Variants in FARP1 observed in about 807,000 individuals in gnomAD.
FARP1 encodes FERM, ARHGEF and pleckstrin domain-containing protein 1.
FARP1 carries 52 observed loss-of-function variants against 128.8 expected under a neutral mutation model. The observed-to-expected ratio is 0.40, with a 90% CI of 0.32 to 0.51. The LOEUF is 0.51. Among genes scored for constraint, FARP1 ranks in the 20% least tolerant of loss-of-function variants. FARP1 has a pLI of 0.45. For synonymous variants in FARP1, 580 were observed against 551.8 expected (o/e 1.05, Z -0.72); for missense variants, 1,333 against 1,367.9 (o/e 0.97, Z 0.40).
At chr13:98,337,196 G>A (rs1411185868) in intron 2 of FARP1, among the ~76,000 whole-genome samples, 2 of 152,004 alleles carry the variant, frequency 1.3e-5, no homozygotes, top group East Asian at 1.9e-4. Flanking sequence ...GCAAGACCTC[G>A]TCTCTACTAA....
At chr13:98,277,138 ACACACACACACC>A (rs1378638620) in intron 2 of FARP1, among the ~76,000 whole-genome samples, 45 of 149,678 alleles carry the variant, frequency 3.0e-4, no homozygotes, top group Non-Finnish European at 4.2e-4. Flanking sequence ...ACACACACAC[ACACACACACACC>A]CCATATGTAT....
chr13:98,446,901 T>G lies in FARP1; in HGVS notation c.3056+84T>G, dbSNP rs58789580. Reference sequence around the variant, plus strand: ...TCAGGATTTCTCCCAAGTCAGCGAGTGAGATGGCCCCACCCTTCCCTGCCA... The same window carrying G: ...TCAGGATTTCTCCCAAGTCAGCGAGGGAGATGGCCCCACCCTTCCCTGCCA... On this transcript the variant is annotated intron_variant, in intron 26 of 26. Coordinates refer to ENST00000319562, the MANE Select transcript of FARP1 (RefSeq NM_005766.4). 1,683 of 1,445,082 alleles carry G rather than the reference T, an allele frequency of 1.2e-3. 26 individuals are homozygous for G. In the African/African-American group the frequency reaches 0.021, roughly 18 times the overall value. 89.5% of individuals were successfully genotyped at this position (1,445,082 alleles called of 1,614,324 possible). A position where few individuals can be genotyped will look rare whatever the true frequency, so the allele number is the denominator to read the frequency against.
intron 2 of FARP1, among the ~76,000 whole-genome samples, chr13:98,237,873 G>T (rs1422362987): frequency 6.6e-6 from 1 of 152,240 alleles, no homozygotes; most frequent in African/African-American, 2.4e-5. Context: ...GGTCGCTATG[G>T]CTACATCAGC....
chr13:98,314,274 CTTTTTT>C (rs140938723), intron 2 of FARP1, among the ~76,000 whole-genome samples: 1 of 59,988 alleles, frequency 1.7e-5, no homozygotes, highest in African/African-American at 6.8e-5. Flanking sequence ...TATTTTATGT[CTTTTTT>C]TTTTTTTTTT....
chr13:98,179,832 G>C (rs1001504517), intron 1 of FARP1, among the ~76,000 whole-genome samples: 7 of 152,048 alleles, frequency 4.6e-5, no homozygotes, highest in Non-Finnish European at 7.4e-5. Flanking sequence ...ACTCCAGCCT[G>C]GGTGACTGAG....
chr13:98,199,094 C>T (rs918262650), intron 1 of FARP1, among the ~76,000 whole-genome samples: 37 of 150,792 alleles, frequency 2.5e-4, no homozygotes, highest in African/African-American at 8.8e-4. Context: ...TTTCGCACTT[C>T]TATTAGTCGG....
rs144824297 is a variant in FARP1 at position 98,181,865 on chromosome 13, A to G, written c.-23-31355A>G. ...GTCATGGGGTCTTATCACACATGGT[A>G]TTTAATACTTAAAGATGTAAAATAA... On this transcript the variant is annotated intron_variant, in intron 1 of 26. Transcript: ENST00000319562. 8.5e-4 allele frequency among the ~76,000 whole-genome samples: 130 copies of G among 152,240 alleles called. 1 individual carries two copies. The South Asian group carries it at 0.011, about 13-fold the overall frequency.
chr13:98,447,913 T>C, intron 26 of FARP1: 1 of 374,506 alleles, frequency 2.7e-6, no homozygotes, highest in Non-Finnish European at 4.9e-6. Context: ...GTCCCGCCAT[T>C]CTCTGCCATG....
intron 2 of FARP1, among the ~76,000 whole-genome samples, chr13:98,310,077 C>CAT (rs1886390560): frequency 1.8e-5 from 1 of 54,420 alleles, no homozygotes; most frequent in South Asian, 7.9e-4. Flanking sequence ...TAATAGATTA[C>CAT]ATGTTTTTTT....
chr13:98,453,230 A>G lies in FARP1; in HGVS notation c.*4913A>G. 6.2e-7 allele frequency: 1 copy of G among 1,611,302 alleles called. No homozygotes were observed. Among genetic ancestry groups the G allele is most frequent in the East Asian group, 2.2e-5 (1 of 44,770 alleles). ...AGTATCTAGGGAAAAAGAGAGAGAGAGAAGTCAACACATGTCATTTCTCAT... is the reference window on the plus strand; with the variant it reads ...AGTATCTAGGGAAAAAGAGAGAGAGGGAAGTCAACACATGTCATTTCTCAT... On this transcript the variant is annotated 3_prime_UTR_variant, in exon 27 of 27. Transcript: ENST00000319562.
In FARP1 at chr13:98,431,072, C is replaced by G; in HGVS notation, c.1935C>G (p.Ser645Arg). The G allele has an allele frequency of 6.2e-7, 1 of 1,613,958 alleles. No individual in the cohort carries two copies. Among genetic ancestry groups the G allele is most frequent in the Non-Finnish European group, 8.5e-7 (1 of 1,179,900 alleles). The change falls in exon 18 of 27, where the codon AGC becomes AGG. Residue 645 changes from serine to arginine, a missense_variant. By Grantham distance (110) the Ser-to-Arg change is moderately radical. Transcript: ENST00000319562. ...KHLAAHLWKH[S>R]EALEALENGI... ...TGGCGGCTCACCTGTGGAAGCACAG[C>G]GAGGCCTTGGAGGCCCTGGAGAATG...
intron 2 of FARP1, among the ~76,000 whole-genome samples, chr13:98,263,019 G>GT (rs201249647): frequency 7.1e-5 from 10 of 140,168 alleles, no homozygotes; most frequent in South Asian, 2.2e-4. Flanking sequence ...TATTATTATT[G>GT]TTTTTTGGGA....
At chr13:98,266,504 C>G (rs1884122373) in intron 2 of FARP1, among the ~76,000 whole-genome samples, 1 of 152,168 alleles carries the variant, frequency 6.6e-6, no homozygotes, top group African/African-American at 2.4e-5. Flanking sequence ...CCTGATCACC[C>G]TGGTGTGAAC....
At chr13:98,181,465 A>C (rs1878506019) in intron 1 of FARP1, among the ~76,000 whole-genome samples, 1 of 152,090 alleles carries the variant, frequency 6.6e-6, no homozygotes. Context: ...GTAGTAATGA[A>C]AAGATTGTTC....
At chr13:98,357,950 G>A (rs36039801) in intron 3 of FARP1, among the ~76,000 whole-genome samples, 374 of 152,210 alleles carry the variant, frequency 2.5e-3, no homozygotes, top group Admixed American at 4.5e-3. Context: ...CTACTAAAGC[G>A]TGACTCTTCA....
chr13:98,154,298 A>G (rs547565109), intron 1 of FARP1, among the ~76,000 whole-genome samples: 2 of 152,368 alleles, frequency 1.3e-5, no homozygotes, highest in East Asian at 3.9e-4. Flanking sequence ...GCTAGAAGTG[A>G]AATCCTTGTC....
At chr13:98,159,125 C>T (rs1284713454) in intron 1 of FARP1, among the ~76,000 whole-genome samples, 1 of 152,226 alleles carries the variant, frequency 6.6e-6, no homozygotes, top group African/African-American at 2.4e-5. Flanking sequence ...GTAGGAGACG[C>T]CTTCTGGCCC....
Position 98,384,929 on chromosome 13 carries a change from C to A in FARP1, c.611+85C>A, listed in dbSNP as rs1333641266. 6.4e-6 allele frequency: 5 copies of A among 786,696 alleles called. No homozygotes were observed. In the East Asian group the frequency reaches 9.9e-5, roughly 16 times the overall value. 48.7% of individuals were successfully genotyped at this position (786,696 alleles called of 1,614,324 possible). A position where few individuals can be genotyped will look rare whatever the true frequency, so the allele number is the denominator to read the frequency against. ...CATGGGTGTACATCCCTCCACCCCCCACACAAACTATTGTGGAGAACAACA... is the reference window on the plus strand; with the variant it reads ...CATGGGTGTACATCCCTCCACCCCCAACACAAACTATTGTGGAGAACAACA... On this transcript the variant is annotated intron_variant, in intron 7 of 26. Coordinates refer to ENST00000319562, the MANE Select transcript of FARP1 (RefSeq NM_005766.4).
chr13:98,443,852 G>A (rs1366689284), intron 24 of FARP1, among the ~76,000 whole-genome samples: 1 of 152,284 alleles, frequency 6.6e-6, no homozygotes, highest in African/African-American at 2.4e-5. Context: ...CTGGGAGGAG[G>A]GAAGGGACGG....
Sources: allele counts gnomAD v4.1 joint callset (sites outside exome capture counted in the v4.1 genomes callset), GRCh38; gene constraint gnomAD v4.1.1; transcripts MANE v1.5; gene names NCBI Gene and HGNC (gene_info 2026-07-23, HGNC 2026-07-21).